The following AOPEP variants were observed in gnomAD, a reference collection of about 807,000 sequenced individuals.
AOPEP encodes aminopeptidase O.
In AOPEP, 77 loss-of-function variants were observed where a neutral mutation model predicts 98.1. The ratio of observed to expected loss-of-function variants is 0.78; its 90% CI spans 0.65 to 0.95. The LOEUF (loss-of-function observed/expected upper bound fraction) is 0.95, where lower values mean the gene tolerates loss of function less well. Among genes scored for constraint, AOPEP ranks in the 40% least tolerant of loss-of-function variants. The pLI, the probability that AOPEP is intolerant of heterozygous loss-of-function variation, is 0.00. For missense variants in AOPEP, 1,024 were observed against 1,024.7 expected (o/e 1.00, Z 0.01); for synonymous variants, 346 against 365.3 (o/e 0.95, Z 0.60).
At chr9:94,860,761 G>GA (rs2044844302) in intron 5 of AOPEP, among the ~76,000 whole-genome samples, 2 of 152,180 alleles carry the variant, frequency 1.3e-5, no homozygotes, top group African/African-American at 4.8e-5. Context: ...CAGATTAGGA[G>GA]AAAAGATTCT....
chr9:94,991,033 C>T (rs1181886097), intron 11 of AOPEP, among the ~76,000 whole-genome samples: 2 of 152,208 alleles, frequency 1.3e-5, no homozygotes, highest in African/African-American at 4.8e-5. Flanking sequence ...CATACACAAG[C>T]ATGACCCCTT....
intron 13 of AOPEP, among the ~76,000 whole-genome samples, chr9:95,016,672 G>A (rs976906491): frequency 2.6e-5 from 4 of 151,582 alleles, no homozygotes; most frequent in Admixed American, 6.6e-5. Flanking sequence ...AAGTCCAATG[G>A]CATGATTATG....
chr9:94,981,001 TG>T (rs1232587264), intron 11 of AOPEP, among the ~76,000 whole-genome samples: 2 of 152,206 alleles, frequency 1.3e-5, no homozygotes, highest in African/African-American at 4.8e-5. Flanking sequence ...GCCTGGAAGC[TG>T]GGAGCTCCAG....
chr9:95,032,797 T>A (rs1004811187), intron 13 of AOPEP, among the ~76,000 whole-genome samples: 2 of 152,242 alleles, frequency 1.3e-5, no homozygotes, highest in African/African-American at 4.8e-5. Context: ...ACCTCTGTGC[T>A]TTTATTTTAT....
the AOPEP span, among the ~76,000 whole-genome samples, chr9:95,146,695 C>T: frequency 6.6e-6 from 1 of 151,876 alleles, no homozygotes; most frequent in African/African-American, 2.4e-5. Context: ...TTATACCACA[C>T]AGTGGATTCA....
At chr9:94,987,851 G>A (rs2060620376) in intron 11 of AOPEP, among the ~76,000 whole-genome samples, 2 of 152,144 alleles carry the variant, frequency 1.3e-5, no homozygotes, top group African/African-American at 4.8e-5. Context: ...ATTACACAGG[G>A]ACTTGAATGT....
Position 94,804,183 on chromosome 9 carries a change from G to A in AOPEP, c.1364+3181G>A, listed in dbSNP as rs1031539955. ...CACTCTCTGTTATAACAGCAGTAACGTTAATGGAATCATATTCTAGAACCA... is the reference window on the plus strand; with the variant it reads ...CACTCTCTGTTATAACAGCAGTAACATTAATGGAATCATATTCTAGAACCA... On this transcript the variant is annotated intron_variant, in intron 5 of 16. Transcript: ENST00000375315. 3.3e-5 allele frequency among the ~76,000 whole-genome samples: 5 copies of A among 152,106 alleles called. No homozygotes were observed. In the South Asian group the frequency reaches 6.2e-4, roughly 19 times the overall value.
At chr9:94,998,659 C>G (rs1312076220) in intron 11 of AOPEP, among the ~76,000 whole-genome samples, 2 of 152,166 alleles carry the variant, frequency 1.3e-5, no homozygotes, top group East Asian at 3.8e-4. Flanking sequence ...GCTGTGTGCT[C>G]CTTATACCTT....
At position 94,956,016 on chromosome 9, in the gene AOPEP, G is replaced by A; in HGVS notation, c.1872+1G>A. 1 of 1,590,368 alleles carries A rather than the reference G, an allele frequency of 6.3e-7. No individual in the cohort carries two copies. Among genetic ancestry groups the A allele is most frequent in the Non-Finnish European group, 8.6e-7 (1 of 1,158,946 alleles). ...TCATGGACAGCTGATTCTTTCCCAG[G>A]TAACTTATGGGTCCTCATGAGTCCA... is the stretch of plus-strand genomic sequence containing the variant. On this transcript the variant is annotated splice_donor_variant, in intron 9 of 16. Transcript: ENST00000375315. LOFTEE classifies it high-confidence loss of function.
intron 3 of AOPEP, among the ~76,000 whole-genome samples, chr9:94,776,363 G>T (rs914821069): frequency 6.6e-6 from 1 of 152,082 alleles, no homozygotes; most frequent in Non-Finnish European, 1.5e-5. Context: ...GTGCAGTGGC[G>T]TGATCTCGGC....
chr9:94,992,781 G>A (rs2060980673), intron 11 of AOPEP, among the ~76,000 whole-genome samples: 1 of 152,212 alleles, frequency 6.6e-6, no homozygotes, highest in Non-Finnish European at 1.5e-5. Context: ...TGCAATGCAG[G>A]TGTACCTGGT....
At chr9:94,750,207 A>G (rs1331527611) in intron 1 of AOPEP, among the ~76,000 whole-genome samples, 1 of 152,204 alleles carries the variant, frequency 6.6e-6, no homozygotes, top group East Asian at 1.9e-4. Context: ...CTTTGTAGAC[A>G]TCACCTTTCC....
the AOPEP span, among the ~76,000 whole-genome samples, chr9:95,119,715 C>T: frequency 6.7e-6 from 1 of 150,316 alleles, no homozygotes; most frequent in East Asian, 2.0e-4. Flanking sequence ...ATTTTACATT[C>T]CTTTCTTATT....
chr9:95,039,075 C>T (rs753357323), intron 13 of AOPEP, among the ~76,000 whole-genome samples: 1 of 152,112 alleles, frequency 6.6e-6, no homozygotes, highest in Non-Finnish European at 1.5e-5. Flanking sequence ...TCTGGATGGA[C>T]AGAAGTCAAA....
At chr9:94,811,795 T>G (rs1850659604) in intron 5 of AOPEP, among the ~76,000 whole-genome samples, 1 of 152,180 alleles carries the variant, frequency 6.6e-6, no homozygotes, top group Non-Finnish European at 1.5e-5. Context: ...TGGGGAGAAC[T>G]TCTTAGGATT....
chr9:94,798,272 T>G (rs890167970), intron 4 of AOPEP, among the ~76,000 whole-genome samples: 4 of 152,186 alleles, frequency 2.6e-5, no homozygotes, highest in African/African-American at 9.7e-5. Context: ...AGTCCTGCAT[T>G]TTTTCCCAGG....
intron 13 of AOPEP, chr9:95,022,052 A>T (rs1016117370): frequency 6.6e-6 from 1 of 152,186 alleles, no homozygotes; most frequent in Non-Finnish European, 1.5e-5. Flanking sequence ...ATGGGAGGGG[A>T]GAAGAGAGTA....
chr9:94,821,715 C>T (rs149734916), intron 5 of AOPEP, among the ~76,000 whole-genome samples: 3 of 152,176 alleles, frequency 2.0e-5, no homozygotes, highest in African/African-American at 4.8e-5. Context: ...AAATAGTAGG[C>T]AGAGCCTATG....
intron 6 of AOPEP, among the ~76,000 whole-genome samples, chr9:94,924,875 A>G (rs1249381272): frequency 6.6e-6 from 1 of 152,266 alleles, no homozygotes; most frequent in Non-Finnish European, 1.5e-5. Flanking sequence ...CCCAGAAGCC[A>G]GACCTGGTGC....
Sources: allele counts gnomAD v4.1 joint callset (sites outside exome capture counted in the v4.1 genomes callset), GRCh38; gene constraint gnomAD v4.1.1; transcripts MANE v1.5; gene names NCBI Gene and HGNC (gene_info 2026-07-23, HGNC 2026-07-21).